The following ZFAND3 variants were observed in gnomAD, a reference collection of about 807,000 sequenced individuals.
The protein encoded by ZFAND3 is AN1-type zinc finger protein 3.
Under a neutral mutation model 29.6 loss-of-function variants are expected in ZFAND3, and 10 were observed. That is an observed-to-expected ratio of 0.34 (90% confidence interval 0.21 to 0.57). The LOEUF is 0.57. ZFAND3 is among the 20% of genes least tolerant of loss of function. ZFAND3 has a pLI of 0.86. For synonymous variants in ZFAND3, 128 were observed against 112.6 expected, an observed-to-expected ratio of 1.14 and a Z score of -0.87; for missense variants, 230 against 304.5, an observed-to-expected ratio of 0.76 and a Z score of 1.82.
intron 1 of ZFAND3, among the ~76,000 whole-genome samples, chr6:37,905,938 G>A (rs1212676575): frequency 6.6e-6 from 1 of 151,978 alleles, no homozygotes; most frequent in Non-Finnish European, 1.5e-5. Flanking sequence ...ATGATCTATG[G>A]TATACATAAA....
At chr6:37,974,396 C>CTTTTTTT (rs1561952553) in intron 2 of ZFAND3, among the ~76,000 whole-genome samples, 2 of 86,246 alleles carry the variant, frequency 2.3e-5, no homozygotes, top group African/African-American at 8.9e-5. Context: ...CTCTCTCTCT[C>CTTTTTTT]TCTCTCTTTT....
intron 1 of ZFAND3, among the ~76,000 whole-genome samples, chr6:37,878,116 A>C (rs184624536): frequency 1.3e-5 from 2 of 152,300 alleles, no homozygotes; most frequent in African/African-American, 4.8e-5. Context: ...GAACTCGTAC[A>C]AATGTGGACA....
intron 2 of ZFAND3, among the ~76,000 whole-genome samples, chr6:37,960,510 C>T (rs889555473): frequency 2.6e-5 from 4 of 152,168 alleles, no homozygotes; most frequent in African/African-American, 9.7e-5. Flanking sequence ...TGTGGCACTG[C>T]TCACTTTCCA....
chr6:38,033,270 G>A (rs1415333536), intron 2 of ZFAND3, among the ~76,000 whole-genome samples: 2 of 152,032 alleles, frequency 1.3e-5, no homozygotes, highest in Non-Finnish European at 2.9e-5. Flanking sequence ...TAATGAGAAG[G>A]GATGTTGTAT....
intron 2 of ZFAND3, among the ~76,000 whole-genome samples, chr6:38,053,900 G>A (rs1420679020): frequency 1.3e-5 from 2 of 151,818 alleles, no homozygotes; most frequent in African/African-American, 4.8e-5. Context: ...TGTGAATGTT[G>A]ATATCATCTG....
intron 5 of ZFAND3, among the ~76,000 whole-genome samples, chr6:38,144,210 TAA>T (rs1491584888): frequency 5.7e-4 from 21 of 37,054 alleles, no homozygotes; most frequent in South Asian, 5.0e-3. Context: ...TATATATATA[TAA>T]TATATAATAT....
intron 2 of ZFAND3, among the ~76,000 whole-genome samples, chr6:37,973,859 G>A (rs972275123): frequency 1.3e-5 from 2 of 152,114 alleles, no homozygotes; most frequent in African/African-American, 4.8e-5. Context: ...TACTTAGAAA[G>A]CATTTACTAT....
At chr6:37,966,945 C>T (rs1762303157) in intron 2 of ZFAND3, among the ~76,000 whole-genome samples, 1 of 152,050 alleles carries the variant, frequency 6.6e-6, no homozygotes, top group African/African-American at 2.4e-5. Flanking sequence ...TCTGTTATTT[C>T]CTCATGTGAT....
intron 5 of ZFAND3, among the ~76,000 whole-genome samples, chr6:38,122,705 C>T (rs1193857864): frequency 1.3e-5 from 2 of 152,050 alleles, no homozygotes; most frequent in African/African-American, 4.8e-5. Flanking sequence ...ATTTGCTGGG[C>T]CCAAGAGGAA....
At chr6:37,877,465 T>C (rs1386619015) in intron 1 of ZFAND3, among the ~76,000 whole-genome samples, 1 of 152,010 alleles carries the variant, frequency 6.6e-6, no homozygotes, top group Non-Finnish European at 1.5e-5. Context: ...ACAGTAGTAA[T>C]AGAGGAGATG....
At chr6:37,963,198 C>T (rs1177801166) in intron 2 of ZFAND3, among the ~76,000 whole-genome samples, 1 of 152,116 alleles carries the variant, frequency 6.6e-6, no homozygotes, top group African/African-American at 2.4e-5. Context: ...ACACATGTAG[C>T]CTATGGAACA....
At chr6:37,958,782 C>T (rs570079753) in intron 2 of ZFAND3, among the ~76,000 whole-genome samples, 1 of 145,924 alleles carries the variant, frequency 6.9e-6, no homozygotes, top group South Asian at 2.3e-4. Flanking sequence ...CTTGTGTTTA[C>T]ATTGCTTGTA....
At chr6:37,993,167 G>A (rs375568582) in intron 2 of ZFAND3, among the ~76,000 whole-genome samples, 1 of 151,710 alleles carries the variant, frequency 6.6e-6, no homozygotes, top group East Asian at 1.9e-4. Flanking sequence ...TCGTTAAGAA[G>A]TGTCTTTTTA....
intron 1 of ZFAND3, among the ~76,000 whole-genome samples, chr6:37,820,647 C>T (rs910360273): frequency 2.0e-5 from 3 of 152,186 alleles, no homozygotes; most frequent in African/African-American, 7.2e-5. Context: ...TGTAAAATTT[C>T]CTTGTCAAAA....
chr6:37,840,532 G>C (rs1438971739), intron 1 of ZFAND3, among the ~76,000 whole-genome samples: 1 of 152,224 alleles, frequency 6.6e-6, no homozygotes, highest in Non-Finnish European at 1.5e-5. Flanking sequence ...TGTTTTGGCT[G>C]TTTTGGGTCC....
rs187886780 is a variant in ZFAND3 at position 38,153,657 on chromosome 6, G to T, written c.*1268G>T. ...AGAGGATTTCAGCAGCTGCAACTGC[G>T]CACGCCAGGTGGGGAAGGGTGGGGG... is the stretch of plus-strand genomic sequence containing the variant. On this transcript the variant is annotated 3_prime_UTR_variant, in exon 6 of 6. Coordinates refer to ENST00000287218, the MANE Select transcript of ZFAND3 (RefSeq NM_021943.3). The T allele has an allele frequency of 4.1e-6, 4 of 985,242 alleles. No homozygotes were observed. Among genetic ancestry groups the T allele is most frequent in the Non-Finnish European group, 4.8e-6 (4 of 829,944 alleles). 61.0% of individuals were successfully genotyped at this position (985,242 alleles called of 1,614,324 possible).
At chr6:37,905,815 T>C (rs766544013) in intron 1 of ZFAND3, among the ~76,000 whole-genome samples, 3 of 152,120 alleles carry the variant, frequency 2.0e-5, no homozygotes, top group Non-Finnish European at 2.9e-5. Context: ...ACCTACCTTA[T>C]AGTTTTTTTT....
intron 1 of ZFAND3, among the ~76,000 whole-genome samples, chr6:37,888,627 A>T (rs57792844): frequency 3.3e-5 from 5 of 152,154 alleles, no homozygotes; most frequent in Admixed American, 2.0e-4. Context: ...TTTCCAGATC[A>T]CATTAGTTTA....
At chr6:38,006,080 T>C (rs187830329) in intron 2 of ZFAND3, among the ~76,000 whole-genome samples, 1 of 152,336 alleles carries the variant, frequency 6.6e-6, no homozygotes, top group East Asian at 1.9e-4. Flanking sequence ...TGAAGATGTA[T>C]AATATGGGTT....
Sources: gnomAD v4.1 joint callset for allele counts (sites outside exome capture counted in the v4.1 genomes callset) on GRCh38, gnomAD v4.1.1 for gene constraint, MANE v1.5 for transcripts, NCBI Gene and HGNC (gene_info 2026-07-23, HGNC 2026-07-21) for gene names.